Variants in NAA25 observed in about 807,000 individuals in gnomAD.
NAA25 encodes N-alpha-acetyltransferase 25, NatB auxiliary subunit.
A neutral mutation model predicts 132.5 loss-of-function variants in NAA25; 30 were observed. The observed-to-expected ratio is 0.23, with a 90% confidence interval of 0.17 to 0.31. The LOEUF is 0.31. Ranked by LOEUF, NAA25 falls within the 10% of genes least tolerant of loss-of-function variation. The pLI is 1.00. For synonymous variants in NAA25, 359 were observed against 401.9 expected (o/e 0.89, Z 1.28); for missense variants, 771 against 1,150.4 (o/e 0.67, Z 4.77).
rs188693668 is a variant in NAA25 at position 112,049,832 on chromosome 12, C to T, written c.1729-1389G>A. Among the ~76,000 whole-genome samples the T allele has an allele frequency of 1.2e-4, 19 of 152,150 alleles. No individual in the cohort carries two copies. In the East Asian group the frequency reaches 2.7e-3, roughly 22 times the overall value. On this transcript the variant is annotated intron_variant, in intron 15 of 23. Coordinates refer to ENST00000261745, the MANE Select transcript of NAA25 (RefSeq NM_024953.4). This position sits in a 1 kb window ranked among gnomAD's most constrained non-coding sequence, Gnocchi z 4.7. ...ACACAGCAAGGTTTACTACTATTAG[C>T]CCTTGTAATAGGAACTTACAGCTGG...
intron 4 of NAA25, among the ~76,000 whole-genome samples, chr12:112,087,009 C>CAAAA (rs57089089): frequency 1.4e-5 from 1 of 70,544 alleles, no homozygotes. Context: ...ACTCCATCTC[C>CAAAA]AAAAAAAAAA....
At chr12:112,080,009 G>A (rs1053097454) in intron 5 of NAA25, among the ~76,000 whole-genome samples, 3 of 152,072 alleles carry the variant, frequency 2.0e-5, no homozygotes, top group South Asian at 2.1e-4. Flanking sequence ...GGCCAGGCGC[G>A]GTGGCTCATG....
At chr12:112,091,735 C>T (rs924465705) in intron 2 of NAA25, among the ~76,000 whole-genome samples, 1 of 151,414 alleles carries the variant, frequency 6.6e-6, no homozygotes, top group Non-Finnish European at 1.5e-5. Flanking sequence ...TGGTGGTACA[C>T]CCTGTAGTCC....
At chr12:112,047,166 CAT>C (rs896130681) in intron 17 of NAA25, among the ~76,000 whole-genome samples, 8 of 151,238 alleles carry the variant, frequency 5.3e-5, no homozygotes, top group South Asian at 2.1e-4. Context: ...ACAACAAACA[CAT>C]GTTATTTTAT....
intron 1 of NAA25, among the ~76,000 whole-genome samples, chr12:112,106,614 A>C (rs1405163036): frequency 6.6e-6 from 1 of 152,116 alleles, no homozygotes; most frequent in Non-Finnish European, 1.5e-5. Flanking sequence ...CCTCAGGCAA[A>C]TCAGTGTCTT....
chr12:112,041,050 G>A (rs1373681285), intron 20 of NAA25, among the ~76,000 whole-genome samples: 2 of 152,034 alleles, frequency 1.3e-5, no homozygotes, highest in Admixed American at 6.5e-5. Context: ...GCTTGGTGGT[G>A]CACGCCAGTA....
At chr12:112,038,650 C>T (rs1017424850) in intron 22 of NAA25, among the ~76,000 whole-genome samples, 4 of 152,106 alleles carry the variant, frequency 2.6e-5, no homozygotes, top group African/African-American at 9.7e-5. Flanking sequence ...CCCTGGGCCA[C>T]ACTGGAAGAA....
rs112342385 is a variant in NAA25 at position 112,040,538 on chromosome 12, T to G, written c.2481A>C (p.Lys827Asn). ...SKCKGDLLEV[K>N]DGNLKTHPTL... The stretch of plus-strand genomic sequence containing the variant: ...TAGGATGTGTTTTCAAGTTACCATC[T>G]TTAACTTCTAAGAGGTCACCTTTAC... Residue 827 changes from lysine to asparagine, a missense_variant, in exon 21 of 24, where the codon AAA (lysine) becomes AAC (asparagine). By Grantham distance (94) the Lys-to-Asn change is moderately conservative. Around this residue, in one of 3 missense-constraint regions of NAA25, gnomAD observed 324 missense variants for 400.0 expected, o/e 0.81. Coordinates refer to ENST00000261745, the MANE Select transcript of NAA25 (RefSeq NM_024953.4). 1 of 1,605,346 alleles carries G rather than the reference T, an allele frequency of 6.2e-7. No homozygotes were observed. Among genetic ancestry groups the G allele is most frequent in the African/African-American group, 1.3e-5 (1 of 74,676 alleles).
At chr12:112,076,973 C>G (rs189212705) in intron 7 of NAA25, among the ~76,000 whole-genome samples, 1 of 152,022 alleles carries the variant, frequency 6.6e-6, no homozygotes, top group Non-Finnish European at 1.5e-5. Flanking sequence ...TCTAGCCTGG[C>G]TAACAGAGCA....
At chr12:112,041,241 G>A (rs1052473121) in intron 20 of NAA25, among the ~76,000 whole-genome samples, 1 of 150,610 alleles carries the variant, frequency 6.6e-6, no homozygotes. Context: ...AGGCTGAAGT[G>A]TAGTGGCGCT....
intron 20 of NAA25, 141 bp downstream of exon 20, chr12:112,041,898 G>T: frequency 1.9e-6 from 1 of 533,908 alleles, no homozygotes; most frequent in East Asian, 3.7e-5. Flanking sequence ...TGTTTAGGTG[G>T]CATCTAGGAG....
chr12:112,054,625 A>G, intron 13 of NAA25, 57 bp from the exon 14 acceptor site: 1 of 1,468,228 alleles, frequency 6.8e-7, no homozygotes, highest in South Asian at 1.3e-5. Context: ...AAGCTTCCCA[A>G]AAACAAAAAA....
chr12:112,043,524 C>G (rs2136816937), intron 18 of NAA25, 101 bp downstream of exon 18: 2 of 1,362,756 alleles, frequency 1.5e-6, no homozygotes, highest in Admixed American at 2.1e-5. Flanking sequence ...TAAACTGGGA[C>G]AAAACAATTC....
chr12:112,074,254 T>C (rs1237344392), intron 9 of NAA25, among the ~76,000 whole-genome samples: 5 of 147,652 alleles, frequency 3.4e-5, no homozygotes, highest in African/African-American at 1.3e-4. Context: ...GGCAGGAGAA[T>C]CGCTTGCTTC....
At chr12:112,104,001 C>A (rs976343322) in intron 1 of NAA25, among the ~76,000 whole-genome samples, 1 of 152,138 alleles carries the variant, frequency 6.6e-6, no homozygotes, top group African/African-American at 2.4e-5. Context: ...TCCTAACAGG[C>A]CACAGACCAG....
At chr12:112,080,047 G>A (rs1174117825) in intron 5 of NAA25, among the ~76,000 whole-genome samples, 10 of 151,932 alleles carry the variant, frequency 6.6e-5, no homozygotes, top group Non-Finnish European at 1.2e-4. Flanking sequence ...TTGGGAGGCC[G>A]AGGCGGGCGG....
rs1352808891 is a variant in NAA25, at chr12:112,029,372, T to C, written c.*159A>G. 5.4e-5 allele frequency: 61 copies of C among 1,134,382 alleles called. No homozygotes were observed. Among genetic ancestry groups the C allele is most frequent in the Non-Finnish European group, 7.3e-5 (59 of 809,742 alleles). 70.3% of individuals were successfully genotyped at this position (1,134,382 alleles called of 1,614,324 possible). ...TTATATACAATAATTTAATCAGTTG[T>C]ATATATTTAACACCTAAAAAAATTC... On this transcript the variant is annotated 3_prime_UTR_variant, in exon 24 of 24. Transcript: ENST00000261745.
At chr12:112,102,103 A>G (rs2079303933) in intron 1 of NAA25, among the ~76,000 whole-genome samples, 1 of 151,942 alleles carries the variant, frequency 6.6e-6, no homozygotes, top group East Asian at 1.9e-4. Flanking sequence ...TCCTGGACTC[A>G]AGTGATCCAC....
intron 15 of NAA25, 61 bp from the exon 16 acceptor site, chr12:112,048,504 C>A: frequency 1.4e-6 from 2 of 1,450,328 alleles, no homozygotes; most frequent in East Asian, 2.3e-5. Flanking sequence ...TGTAAGCAAA[C>A]CTTGCCAGCC....
Sources: allele counts gnomAD v4.1 joint callset (sites outside exome capture counted in the v4.1 genomes callset), GRCh38; gene constraint gnomAD v4.1.1; regional missense constraint gnomAD v4.1.1; non-coding constraint Gnocchi (gnomAD v3.1); transcripts MANE v1.5; gene names NCBI Gene and HGNC (gene_info 2026-07-23, HGNC 2026-07-21).